COL5A1: variants seen among roughly 807,000 people sequenced by gnomAD.
COL5A1 encodes collagen alpha-1(V) chain.
In COL5A1, 16 loss-of-function variants were observed where a neutral mutation model predicts 263.7. The ratio of observed to expected loss-of-function variants is 0.06; its 90% CI spans 0.04 to 0.09. COL5A1 has a LOEUF of 0.09. Among genes scored for constraint, COL5A1 ranks in the 10% least tolerant of loss-of-function variants. The pLI is 1.00. For synonymous variants in COL5A1, 1,012 were observed against 1,004.5 expected (o/e 1.01, Z -0.14); for missense variants, 2,036 against 2,540.5 (o/e 0.80, Z 4.27).
At chr9:134,761,171 T>C (rs1275160607) in intron 18 of COL5A1, among the ~76,000 whole-genome samples, 2 of 134,534 alleles carry the variant, frequency 1.5e-5, no homozygotes, top group African/African-American at 5.6e-5. Context: ...TACACACCTA[T>C]ACACACATAT....
At chr9:134,771,509 T>TG (rs577538189) in intron 25 of COL5A1, among the ~76,000 whole-genome samples, 88 of 152,326 alleles carry the variant, frequency 5.8e-4, no homozygotes, top group Middle Eastern at 3.4e-3. Context: ...CCCACTCACT[T>TG]GCTGCTAGGA....
intron 1 of COL5A1, among the ~76,000 whole-genome samples, chr9:134,661,836 C>G (rs1036683713): frequency 6.6e-6 from 1 of 152,222 alleles, no homozygotes; most frequent in South Asian, 2.1e-4. Context: ...GCCAACCTCG[C>G]TGTTCCTCCG....
At chr9:134,731,978 G>A in intron 8 of COL5A1, 93 bp from the exon 9 acceptor site, 9 of 1,430,136 alleles carry the variant, frequency 6.3e-6, no homozygotes, top group Non-Finnish European at 8.9e-6. Context: ...AGTGCCCTCG[G>A]CCTTGCGAAA....
At chr9:134,799,629 C>T (rs1477886855) in intron 37 of COL5A1, among the ~76,000 whole-genome samples, 2 of 152,158 alleles carry the variant, frequency 1.3e-5, no homozygotes, top group South Asian at 4.1e-4. Flanking sequence ...TTCTCCATGC[C>T]TGCTTTGAAA....
intron 9 of COL5A1, among the ~76,000 whole-genome samples, chr9:134,734,429 A>G (rs868858562): frequency 3.3e-5 from 5 of 152,236 alleles, no homozygotes; most frequent in African/African-American, 7.2e-5. Context: ...CAGAGATCAC[A>G]TAAACAGTTG....
chr9:134,786,152 A>G, intron 31 of COL5A1, 104 bp downstream of exon 31: 2 of 1,103,400 alleles, frequency 1.8e-6, no homozygotes, highest in Non-Finnish European at 1.4e-6. Flanking sequence ...CACAGGTGGA[A>G]GGATGTTCTG....
At chr9:134,735,405 T>C (rs1171216626) in intron 9 of COL5A1, among the ~76,000 whole-genome samples, 3 of 151,940 alleles carry the variant, frequency 2.0e-5, no homozygotes, top group Non-Finnish European at 4.4e-5. Flanking sequence ...TATCATTAAC[T>C]ATATCGAGGC....
chr9:134,730,750 T>C (rs1053271690), intron 7 of COL5A1, among the ~76,000 whole-genome samples: 2 of 152,222 alleles, frequency 1.3e-5, no homozygotes, highest in Non-Finnish European at 2.9e-5. Flanking sequence ...AGAATGACCC[T>C]AGCCCTTCCG....
chr9:134,645,796 A>T (rs1831456616), intron 1 of COL5A1, among the ~76,000 whole-genome samples: 1 of 151,980 alleles, frequency 6.6e-6, no homozygotes, highest in Non-Finnish European at 1.5e-5. Context: ...CTCACTTCCC[A>T]TCGGTTTATC....
intron 1 of COL5A1, among the ~76,000 whole-genome samples, chr9:134,654,580 G>GGTGTGTAGGGCTGGGA (rs1831858521): frequency 7.8e-6 from 1 of 127,864 alleles, no homozygotes; most frequent in African/African-American, 3.1e-5. Context: ...TAGGGCTGGG[G>GGTGTGTAGGGCTGGGA]GTGTGTAGGG....
intron 32 of COL5A1, among the ~76,000 whole-genome samples, chr9:134,790,605 CCCAT>C (rs58733002): frequency 0.093 from 7,835 of 84,358 alleles, 415 homozygotes; most frequent in Middle Eastern, 0.11. Flanking sequence ...CATCCACCCA[CCCAT>C]CCATCCATCC....
chr9:134,801,899 G>T, intron 37 of COL5A1, 55 bp from the exon 38 acceptor site: 2 of 1,518,154 alleles, frequency 1.3e-6, no homozygotes, highest in Non-Finnish European at 1.8e-6. Flanking sequence ...ACAGTGCAGG[G>T]CAGGGTGGCG....
intron 52 of COL5A1, among the ~76,000 whole-genome samples, chr9:134,816,559 G>A (rs1413493701): frequency 6.6e-6 from 1 of 152,250 alleles, no homozygotes; most frequent in African/African-American, 2.4e-5. Context: ...CGGACCTGAG[G>A]GCAAAGGCCA....
At position 134,817,029 on chromosome 9, in the gene COL5A1, TC is replaced by T. The variant is rs1564479342; in HGVS notation, c.4131del (p.Gly1378AlafsTer110). 6.2e-7 allele frequency: 1 copy of T among 1,613,806 alleles called. No individual in the cohort carries two copies. ...GDDGEPGQTG[S>X]PGPTGEPGPS... The stretch of plus-strand genomic sequence containing the variant: ...CTGTTCTTTCTCCCAATACCAGGGA[TC>T]CCCCGGCCCTACTGGTGAACCAGGT... On this transcript the variant is annotated frameshift_variant, in exon 53 of 66. Transcript: ENST00000371817. LOFTEE classifies it high-confidence loss of function.
intron 18 of COL5A1, among the ~76,000 whole-genome samples, chr9:134,761,028 G>A (rs572738319): frequency 5.1e-4 from 67 of 130,180 alleles, no homozygotes; most frequent in African/African-American, 1.9e-3. Context: ...GCATACACAC[G>A]TGCACAGGCT....
In COL5A1 at chr9:134,842,520, C is replaced by T; in HGVS notation, c.*217C>T. On this transcript the variant is annotated 3_prime_UTR_variant, in exon 66 of 66. Coordinates refer to ENST00000371817, the MANE Select transcript of COL5A1 (RefSeq NM_000093.5). This position sits in a 1 kb window ranked among gnomAD's most constrained non-coding sequence, Gnocchi z 5.8. ...CCCCACCTGGAGCTGAATCACATGA[C>T]CTAGCTGCACCCCAGCGCCTGGGCC... 1 of 624,732 alleles carries T rather than the reference C, an allele frequency of 1.6e-6. No individual in the cohort carries two copies. The highest frequency in any genetic ancestry group is 2.8e-6 in the Non-Finnish European group (1 of 354,780). 38.7% of individuals were successfully genotyped at this position (624,732 alleles called of 1,614,324 possible).
At position 134,818,063 on chromosome 9, in the gene COL5A1, GGCGGGTGGTGGGT is replaced by G. The variant is rs1178921050; in HGVS notation, c.4230+238_4230+250del. On this transcript the variant is annotated intron_variant, in intron 54 of 65. Coordinates refer to ENST00000371817, the MANE Select transcript of COL5A1 (RefSeq NM_000093.5). The surrounding 1 kb of genome is among the most constrained non-coding windows in gnomAD (Gnocchi z 6.0). ...TCTGCCTTGCCCACCTGAGGGAGGA[GGCGGGTGGTGGGT>G]GCGGGATTCAGGGAGCCCAAGGCTG... Among the ~76,000 whole-genome samples, 1 of 152,262 alleles carries G rather than the reference GGCGGGTGGTGGGT, an allele frequency of 6.6e-6. No homozygotes were observed. Among genetic ancestry groups the G allele is most frequent in the Non-Finnish European group, 1.5e-5 (1 of 68,050 alleles).
chr9:134,794,884 G>C lies in COL5A1; in HGVS notation c.2701-198G>C, dbSNP rs887864813. ...AGGACTTGTGCAGGAGTGCAAAGCT[G>C]TGTGTGTCGGGTGTGCGGTGAGCTT... On this transcript the variant is annotated intron_variant, in intron 32 of 65. Coordinates refer to ENST00000371817, the MANE Select transcript of COL5A1 (RefSeq NM_000093.5). This position sits in a 1 kb window ranked among gnomAD's most constrained non-coding sequence, Gnocchi z 4.3. Among the ~76,000 whole-genome samples, 2 of 152,230 alleles carry C rather than the reference G, an allele frequency of 1.3e-5. No individual in the cohort carries two copies. The highest frequency in any genetic ancestry group is 4.8e-5 in the African/African-American group (2 of 41,466).
At chr9:134,822,184 G>T in intron 59 of COL5A1, 34 bp downstream of exon 59, 1 of 1,386,878 alleles carries the variant, frequency 7.2e-7, no homozygotes, top group Non-Finnish European at 1.0e-6. Flanking sequence ...TCATTCCTGG[G>T]AGGGCAGGGA....
Sources: allele counts gnomAD v4.1 joint callset (sites outside exome capture counted in the v4.1 genomes callset), GRCh38; gene constraint gnomAD v4.1.1; non-coding constraint Gnocchi (gnomAD v3.1); transcripts MANE v1.5; gene names NCBI Gene and HGNC (gene_info 2026-07-23, HGNC 2026-07-21).